GNA14: variants seen among roughly 807,000 people sequenced by gnomAD.
GNA14 encodes the protein G protein subunit alpha 14.
In GNA14, 50 loss-of-function variants were observed where a neutral mutation model predicts 42.0. That is an observed-to-expected ratio of 1.19 (90% CI 0.95 to 1.51). The LOEUF (loss-of-function observed/expected upper bound fraction) is 1.51, where lower values mean the gene tolerates loss of function less well. Ranked by LOEUF, GNA14 falls within the 40% of genes most tolerant of loss-of-function variation. The pLI, the probability that GNA14 is intolerant of heterozygous loss-of-function variation, is 0.00. For synonymous variants in GNA14, 173 were observed against 163.1 expected (o/e 1.06, Z -0.46); for missense variants, 473 against 446.2 (o/e 1.06, Z -0.54).
chr9:77,428,800 C>A, intron 5 of GNA14, 107 bp downstream of exon 5: 1 of 1,093,426 alleles, frequency 9.1e-7, no homozygotes, highest in South Asian at 1.5e-5. Flanking sequence ...AGTAGCAAGA[C>A]TGTTTGACCT....
intron 1 of GNA14, among the ~76,000 whole-genome samples, chr9:77,535,892 GTTTTTT>G (rs113315168): frequency 1.1e-5 from 1 of 87,624 alleles, no homozygotes; most frequent in Non-Finnish European, 2.9e-5. Context: ...TAGTTGTTTT[GTTTTTT>G]TTTTTTTTCC....
intron 2 of GNA14, among the ~76,000 whole-genome samples, chr9:77,449,025 C>T (rs955516350): frequency 3.9e-5 from 6 of 152,144 alleles, no homozygotes; most frequent in East Asian, 1.9e-4. Flanking sequence ...GCTGCATATA[C>T]GATAATGGTA....
At chr9:77,447,644 C>G (rs548415808) in intron 2 of GNA14, among the ~76,000 whole-genome samples, 1 of 146,150 alleles carries the variant, frequency 6.8e-6, no homozygotes, top group South Asian at 2.3e-4. Context: ...GGACTCTCCT[C>G]CACAGAGTTA....
intron 2 of GNA14, among the ~76,000 whole-genome samples, chr9:77,477,365 A>G (rs1836449916): frequency 6.6e-6 from 1 of 152,124 alleles, no homozygotes; most frequent in Admixed American, 6.6e-5. Flanking sequence ...AAAAGGAAAA[A>G]AAGAAAGAAA....
intron 2 of GNA14, among the ~76,000 whole-genome samples, chr9:77,504,512 G>A (rs1837030102): frequency 6.9e-6 from 1 of 144,826 alleles, no homozygotes; most frequent in South Asian, 2.2e-4. Context: ...GAAATGGCCT[G>A]AAAAAATATG....
chr9:77,548,403 T>A (rs1158665823), intron 1 of GNA14, among the ~76,000 whole-genome samples: 2 of 152,176 alleles, frequency 1.3e-5, no homozygotes, highest in East Asian at 3.8e-4. Context: ...GAGACCCTAT[T>A]TCCAAATAAG....
chr9:77,569,770 CT>C (rs3052392), intron 1 of GNA14, among the ~76,000 whole-genome samples: 4,990 of 142,648 alleles, frequency 0.035, 217 homozygotes, highest in African/African-American at 0.1. Context: ...TCCTTTCTTT[CT>C]TTTTTTTTTT....
chr9:77,638,772 A>C (rs1824217284), intron 1 of GNA14, among the ~76,000 whole-genome samples: 1 of 152,218 alleles, frequency 6.6e-6, no homozygotes, highest in South Asian at 2.1e-4. Flanking sequence ...ATGGGAAATC[A>C]AGAGGACACT....
intron 1 of GNA14, among the ~76,000 whole-genome samples, chr9:77,613,038 A>C: frequency 6.6e-6 from 1 of 152,184 alleles, no homozygotes; most frequent in South Asian, 2.1e-4. Context: ...TCAGCCTTTA[A>C]AAAGAAGGAA....
At chr9:77,488,126 A>T (rs1025490073) in intron 2 of GNA14, among the ~76,000 whole-genome samples, 3 of 152,230 alleles carry the variant, frequency 2.0e-5, no homozygotes, top group African/African-American at 7.2e-5. Context: ...AAAAATACAA[A>T]GCCAGCAATA....
chr9:77,435,978 T>G (rs1835634203), intron 2 of GNA14, among the ~76,000 whole-genome samples: 1 of 152,192 alleles, frequency 6.6e-6, no homozygotes, highest in African/African-American at 2.4e-5. Context: ...AACCATCTGC[T>G]TGGTAGCTGG....
chr9:77,579,400 T>C lies in GNA14; in HGVS notation c.125-50147A>G, dbSNP rs1438958489. On this transcript the variant is annotated intron_variant, in intron 1 of 6. Transcript: ENST00000341700. Reference sequence around the variant, plus strand: ...CCTTCCCCAACAATAGACAAAGATTTGGAACCAGAGACCAGCTGCTTGTCC... The same window carrying C: ...CCTTCCCCAACAATAGACAAAGATTCGGAACCAGAGACCAGCTGCTTGTCC... 4.6e-5 allele frequency among the ~76,000 whole-genome samples: 7 copies of C among 152,196 alleles called. No individual in the cohort carries two copies. In the East Asian group the frequency reaches 1.4e-3, roughly 29 times the overall value.
intron 1 of GNA14, among the ~76,000 whole-genome samples, chr9:77,529,670 A>C (rs1346858876): frequency 6.6e-6 from 1 of 152,138 alleles, no homozygotes; most frequent in African/African-American, 2.4e-5. Flanking sequence ...CAGATACACA[A>C]ATATTCTTCA....
intron 1 of GNA14, among the ~76,000 whole-genome samples, chr9:77,619,667 A>G (rs1331617798): frequency 2.0e-5 from 3 of 152,182 alleles, no homozygotes; most frequent in Non-Finnish European, 4.4e-5. Flanking sequence ...TACCACAACA[A>G]CTTGCAAGGA....
intron 1 of GNA14, among the ~76,000 whole-genome samples, chr9:77,574,014 T>TA (rs1823096655): frequency 6.6e-6 from 1 of 152,112 alleles, no homozygotes; most frequent in Admixed American, 6.5e-5. Flanking sequence ...AATTTATGTT[T>TA]AAAAAAAGAT....
intron 1 of GNA14, among the ~76,000 whole-genome samples, chr9:77,621,997 C>T (rs1823931432): frequency 6.6e-6 from 1 of 152,142 alleles, no homozygotes; most frequent in Non-Finnish European, 1.5e-5. Flanking sequence ...ATGATCATAG[C>T]TCACCGCAAT....
At chr9:77,635,588 AC>A (rs1436909561) in intron 1 of GNA14, among the ~76,000 whole-genome samples, 2 of 152,204 alleles carry the variant, frequency 1.3e-5, no homozygotes, top group African/African-American at 4.8e-5. Context: ...AAAGTAAATT[AC>A]CTATATCCTT....
At chr9:77,474,308 AAAG>A (rs1836380399) in intron 2 of GNA14, among the ~76,000 whole-genome samples, 1 of 152,250 alleles carries the variant, frequency 6.6e-6, no homozygotes, top group African/African-American at 2.4e-5. Context: ...CTCAGTAAGA[AAAG>A]AATAAGAATG....
At chr9:77,499,947 G>C (rs768871320) in intron 2 of GNA14, among the ~76,000 whole-genome samples, 2 of 152,020 alleles carry the variant, frequency 1.3e-5, no homozygotes, top group Non-Finnish European at 2.9e-5. Context: ...TTAAACACAT[G>C]GGAGTTTCAT....
Sources: allele counts gnomAD v4.1 joint callset (sites outside exome capture counted in the v4.1 genomes callset), GRCh38; gene constraint gnomAD v4.1.1; transcripts MANE v1.5; gene names NCBI Gene and HGNC (gene_info 2026-07-23, HGNC 2026-07-21).